The following PCDHA5 variants were observed in gnomAD, a reference collection of about 807,000 sequenced individuals.
PCDHA5 encodes protocadherin alpha 5, also known as protocadherin alpha-5.
PCDHA5 carries 43 observed loss-of-function variants against 61.6 expected under a neutral mutation model. That is an observed-to-expected ratio of 0.70 (90% CI 0.55 to 0.90). The LOEUF (loss-of-function observed/expected upper bound fraction) is 0.90, where lower values mean the gene tolerates loss of function less well. PCDHA5 is among the 40% of genes least tolerant of loss of function. The pLI is 0.00. For synonymous variants in PCDHA5, 627 were observed against 543.9 expected (o/e 1.15, Z -2.13); for missense variants, 1,298 against 1,222.7 (o/e 1.06, Z -0.92).
At chr5:141,009,455 A>G in intron 3 of PCDHA5, 172 bp from the exon 4 acceptor site, 1 of 946,862 alleles carries the variant, frequency 1.1e-6, no homozygotes, top group Non-Finnish European at 1.3e-6. Flanking sequence ...AAAAAATTAA[A>G]CAAATAAATA....
intron 1 of PCDHA5, among the ~76,000 whole-genome samples, chr5:140,855,001 A>G (rs1315198457): frequency 1.3e-4 from 20 of 149,948 alleles, no homozygotes; most frequent in Admixed American, 1.2e-3. Context: ...CCCGTGTAAG[A>G]TATTATAAAA....
intron 3 of PCDHA5, among the ~76,000 whole-genome samples, chr5:140,996,915 A>G (rs1167259941): frequency 6.6e-6 from 1 of 152,244 alleles, no homozygotes; most frequent in Non-Finnish European, 1.5e-5. Flanking sequence ...TGAAGTAAAT[A>G]TTAAAAAATA....
rs2150401429 is a variant in PCDHA5 at position 140,847,524 on chromosome 5, A to G, written c.2352+23397A>G. The stretch of plus-strand genomic sequence containing the variant: ...AAAACTTTGTAGAACTTAGTCAGGA[A>G]AAGAATCTCAAGCATAGCTTTAAAA... On this transcript the variant is annotated intron_variant, in intron 1 of 3. Coordinates refer to ENST00000529859, the MANE Select transcript of PCDHA5 (RefSeq NM_018908.3). The G allele has an allele frequency of 1.3e-5, 2 of 149,848 alleles. 1 individual carries two copies. The highest frequency in any genetic ancestry group is 3.0e-5 in the Non-Finnish European group (2 of 66,914). 9.3% of individuals were successfully genotyped at this position (149,848 alleles called of 1,614,324 possible).
intron 1 of PCDHA5, among the ~76,000 whole-genome samples, chr5:140,976,181 A>G (rs1334452758): frequency 6.6e-6 from 1 of 152,208 alleles, no homozygotes; most frequent in Non-Finnish European, 1.5e-5. Flanking sequence ...ATTGTTTTAA[A>G]TCAATATCCT....
chr5:140,982,615 A>G, intron 3 of PCDHA5, 52 bp downstream of exon 3: 1 of 1,596,392 alleles, frequency 6.3e-7, no homozygotes, highest in Non-Finnish European at 8.6e-7. Context: ...AAGTGATCAG[A>G]TGACCTACTT....
chr5:140,943,276 AAGAAAG>A (rs2093462778), intron 1 of PCDHA5, among the ~76,000 whole-genome samples: 3 of 135,982 alleles, frequency 2.2e-5, no homozygotes, highest in African/African-American at 8.7e-5. Flanking sequence ...AAAAAAAAAA[AAGAAAG>A]AAAGAATTAA....
In PCDHA5 at chr5:140,847,161, T is replaced by C. The variant is rs962983160; in HGVS notation, c.2352+23034T>C. The stretch of plus-strand genomic sequence containing the variant: ...GTAAGAAGATCTCTTGATTTCTGAG[T>C]AATAAACTAAAGGGCCATGAGTGAT... On this transcript the variant is annotated intron_variant, in intron 1 of 3. Transcript: ENST00000529859. Among the ~76,000 whole-genome samples, 8 of 149,570 alleles carry C rather than the reference T, an allele frequency of 5.3e-5. 1 individual carries two copies. The highest frequency in any genetic ancestry group is 7.5e-5 in the Non-Finnish European group (5 of 66,894).
At chr5:140,917,157 G>A (rs77234668) in intron 1 of PCDHA5, among the ~76,000 whole-genome samples, 2,784 of 152,240 alleles carry the variant, frequency 0.018, 84 homozygotes, top group African/African-American at 0.063. Context: ...TGGGGGATAT[G>A]GGAGGGGTGA....
chr5:140,835,725 G>C (rs2150243206), intron 1 of PCDHA5: 1 of 1,613,874 alleles, frequency 6.2e-7, no homozygotes. Context: ...GGTGGCCGAC[G>C]TGAACGACAA....
intron 1 of PCDHA5, chr5:140,882,497 G>A (rs1554174299): frequency 6.2e-7 from 1 of 1,614,140 alleles, no homozygotes; most frequent in South Asian, 1.1e-5. Context: ...CCTTCTGGAG[G>A]TAAATCTGCA....
intron 1 of PCDHA5, chr5:140,859,527 A>T (rs1435954408): frequency 5.2e-6 from 1 of 191,864 alleles, no homozygotes; most frequent in African/African-American, 2.4e-5. Flanking sequence ...TTTTAAAAAA[A>T]ATTTATTAAT....
chr5:140,981,033 GA>G (rs148859655), intron 2 of PCDHA5, among the ~76,000 whole-genome samples: 2 of 151,612 alleles, frequency 1.3e-5, no homozygotes, highest in Admixed American at 6.6e-5. Flanking sequence ...AATATTTGGG[GA>G]AAAAAAACAG....
chr5:140,945,409 T>C (rs945280530), intron 1 of PCDHA5, among the ~76,000 whole-genome samples: 4 of 152,116 alleles, frequency 2.6e-5, no homozygotes, highest in African/African-American at 9.7e-5. Flanking sequence ...ACAATTCGTA[T>C]CAAAATTTCA....
intron 3 of PCDHA5, among the ~76,000 whole-genome samples, chr5:141,000,038 C>T (rs1554257087): frequency 3.3e-5 from 5 of 152,092 alleles, no homozygotes; most frequent in Non-Finnish European, 5.9e-5. Flanking sequence ...TCCAATCACA[C>T]ACACACCACT....
intron 1 of PCDHA5, among the ~76,000 whole-genome samples, chr5:140,873,079 TC>T (rs544069393): frequency 1.1e-4 from 17 of 152,076 alleles, no homozygotes; most frequent in Admixed American, 4.6e-4. Context: ...TCTAGCTATT[TC>T]CCCCCCGTAT....
At position 140,823,188 on chromosome 5, in the gene PCDHA5, C is replaced by T. The variant is rs1562269864; in HGVS notation, c.1413C>T (p.Cys471=). ...VFVKENNPPG[C]HIFTVSARDA... The stretch of plus-strand genomic sequence containing the variant: ...TGAAGGAGAACAACCCGCCAGGCTG[C>T]CACATCTTCACGGTGTCTGCACGGG... The change falls in exon 1 of 4, where the codon TGC becomes TGT. Residue 471 remains cysteine (C), a synonymous_variant. Coordinates refer to ENST00000529859, the MANE Select transcript of PCDHA5 (RefSeq NM_018908.3). 1 of 1,613,902 alleles carries T rather than the reference C, an allele frequency of 6.2e-7. No individual in the cohort carries two copies. The highest frequency in any genetic ancestry group is 1.7e-5 in the Admixed American group (1 of 60,022).
chr5:140,824,889 A>T (rs1412625207), intron 1 of PCDHA5: 1 of 152,054 alleles, frequency 6.6e-6, no homozygotes, highest in African/African-American at 2.4e-5. Context: ...GGTTTATTTC[A>T]ACTTTGCCTA....
At chr5:140,927,400 C>A in intron 1 of PCDHA5, 1 of 1,614,126 alleles carries the variant, frequency 6.2e-7, no homozygotes, top group Non-Finnish European at 8.5e-7. Context: ...TCAGCACTTT[C>A]GCCTGGACAT....
rs200912451 is a variant in PCDHA5 at position 140,850,965 on chromosome 5, G to A, written c.2352+26838G>A. The A allele has an allele frequency of 1.1e-4, 159 of 1,464,076 alleles. 6 individuals are homozygous for A. The highest frequency in any genetic ancestry group is 1.3e-4 in the Non-Finnish European group (139 of 1,096,434). 90.7% of individuals were successfully genotyped at this position (1,464,076 alleles called of 1,614,324 possible). On this transcript the variant is annotated intron_variant, in intron 1 of 3. Transcript: ENST00000529859. The stretch of plus-strand genomic sequence containing the variant: ...ATATTATCGATTACTCCCAGGGGCC[G>A]TTCAAATAGTTTTATTCATTTTTCT...
Sources: allele counts gnomAD v4.1 joint callset (sites outside exome capture counted in the v4.1 genomes callset), GRCh38; gene constraint gnomAD v4.1.1; transcripts MANE v1.5; gene names NCBI Gene and HGNC (gene_info 2026-07-23, HGNC 2026-07-21).